The following TNFRSF19 variants were observed in gnomAD, a reference collection of about 807,000 sequenced individuals.
TNFRSF19 encodes TNF receptor superfamily member 19, also known as tumor necrosis factor receptor superfamily member 19.
Under a neutral mutation model 46.4 loss-of-function variants are expected in TNFRSF19, and 27 were observed. The observed-to-expected ratio is 0.58, with a 90% CI of 0.43 to 0.80. TNFRSF19 has a LOEUF of 0.80. TNFRSF19 is among the 30% of genes least tolerant of loss of function. The probability of loss-of-function intolerance (pLI) is 0.00; values close to 1 mark genes in which losing one functional copy is unlikely to be tolerated. For missense variants in TNFRSF19, 511 were observed against 530.8 expected (o/e 0.96, Z 0.37); for synonymous variants, 204 against 205.0 (o/e 1.00, Z 0.04).
chr13:23,663,448 G>T (rs1290640580), intron 7 of TNFRSF19, among the ~76,000 whole-genome samples: 2 of 152,164 alleles, frequency 1.3e-5, no homozygotes, highest in African/African-American at 2.4e-5. Flanking sequence ...TTACATTGGT[G>T]TTCATCAGGG....
chr13:23,659,391 A>C lies in TNFRSF19; in HGVS notation c.610+177A>C, dbSNP rs922239042. Among the ~76,000 whole-genome samples the C allele has an allele frequency of 9.9e-5, 15 of 152,262 alleles. No homozygotes were observed. The highest frequency in any genetic ancestry group is 3.6e-4 in the African/African-American group (15 of 41,474). ...CAGCAGAGGGCTAGGAGAGCAGTTA[A>C]GAATCCACACGTCAGTGTTGACTCC... On this transcript the variant is annotated intron_variant, in intron 6 of 9. Transcript: ENST00000248484. This position sits in a 1 kb window ranked among gnomAD's most constrained non-coding sequence, Gnocchi z 4.9.
At chr13:23,610,623 G>A (rs1237093749) in intron 3 of TNFRSF19, among the ~76,000 whole-genome samples, 1 of 151,642 alleles carries the variant, frequency 6.6e-6, no homozygotes, top group Non-Finnish European at 1.5e-5. Flanking sequence ...TTTTTTTAAA[G>A]TATTTAGGAA....
At chr13:23,586,058 C>T (rs1446992929) in intron 1 of TNFRSF19, among the ~76,000 whole-genome samples, 1 of 151,852 alleles carries the variant, frequency 6.6e-6, no homozygotes, top group African/African-American at 2.4e-5. Context: ...ATCACAAGGT[C>T]AGGAGATCGA....
At chr13:23,614,912 T>C (rs1881166085) in intron 3 of TNFRSF19, among the ~76,000 whole-genome samples, 1 of 151,942 alleles carries the variant, frequency 6.6e-6, no homozygotes, top group Admixed American at 6.6e-5. Context: ...CCCCAATCTA[T>C]GAAATGGGAA....
At chr13:23,625,641 A>G (rs1881950181) in intron 4 of TNFRSF19, among the ~76,000 whole-genome samples, 2 of 152,254 alleles carry the variant, frequency 1.3e-5, no homozygotes, top group South Asian at 4.1e-4. Context: ...ATTCTTACAC[A>G]TACATCTTTA....
At chr13:23,645,581 T>G (rs1318768317) in intron 5 of TNFRSF19, among the ~76,000 whole-genome samples, 1 of 152,180 alleles carries the variant, frequency 6.6e-6, no homozygotes, top group Non-Finnish European at 1.5e-5. Context: ...TTGAAATATG[T>G]TTTTTTATAC....
At chr13:23,610,400 G>C (rs1199732970) in intron 3 of TNFRSF19, among the ~76,000 whole-genome samples, 3 of 152,206 alleles carry the variant, frequency 2.0e-5, no homozygotes, top group Non-Finnish European at 4.4e-5. Flanking sequence ...ATATTGGGCA[G>C]AGTGACAGAG....
At chr13:23,641,505 A>G (rs1886529) in intron 5 of TNFRSF19, among the ~76,000 whole-genome samples, 19,467 of 151,924 alleles carry the variant, frequency 0.13, 1,650 homozygotes, top group South Asian at 0.24. Flanking sequence ...AATTTTTTGT[A>G]TTTTTAGCGG....
At chr13:23,613,358 A>G (rs1273704126) in intron 3 of TNFRSF19, among the ~76,000 whole-genome samples, 2 of 152,228 alleles carry the variant, frequency 1.3e-5, no homozygotes, top group Non-Finnish European at 2.9e-5. Flanking sequence ...GAGAATTCCC[A>G]AAATAACTTG....
Position 23,668,691 on chromosome 13 carries a change from G to C in TNFRSF19, c.840-1G>C. 6.2e-7 allele frequency: 1 copy of C among 1,611,144 alleles called. No homozygotes were observed. The highest frequency in any genetic ancestry group is 8.5e-7 in the Non-Finnish European group (1 of 1,178,576). ...TTAAGTTCTTTTGAACGTGTGTGCA[G>C]AAACGCAGGCCCAGCCGGGGAGATG... On this transcript the variant is annotated splice_acceptor_variant, in intron 8 of 9. Coordinates refer to ENST00000248484, the MANE Select transcript of TNFRSF19 (RefSeq NM_148957.4). LOFTEE classifies it high-confidence loss of function.
intron 5 of TNFRSF19, among the ~76,000 whole-genome samples, chr13:23,657,147 T>C (rs1711513688): frequency 6.6e-6 from 1 of 152,198 alleles, no homozygotes; most frequent in Admixed American, 6.5e-5. Flanking sequence ...CCAAAACATA[T>C]GGTGTGTGTG....
At chr13:23,598,048 G>A (rs904626040) in intron 3 of TNFRSF19, among the ~76,000 whole-genome samples, 9 of 151,928 alleles carry the variant, frequency 5.9e-5, no homozygotes, top group African/African-American at 1.7e-4. Flanking sequence ...AATTCACCCC[G>A]TCATGCTAAA....
rs1884207065 is a variant in TNFRSF19 at position 23,659,515 on chromosome 13, TG to T, written c.610+302del. ...TTTATTATATGTTTCTTTGTTTTTT[TG>T]TTTTTTTGGAGACAGAGTCTGGCTC... On this transcript the variant is annotated intron_variant, in intron 6 of 9. Coordinates refer to ENST00000248484, the MANE Select transcript of TNFRSF19 (RefSeq NM_148957.4). This position sits in a 1 kb window ranked among gnomAD's most constrained non-coding sequence, Gnocchi z 4.9. 1.3e-5 allele frequency among the ~76,000 whole-genome samples: 2 copies of T among 152,166 alleles called. No individual in the cohort carries two copies. The highest frequency in any genetic ancestry group is 4.8e-5 in the African/African-American group (2 of 41,432).
chr13:23,632,817 G>A (rs1224051974), intron 5 of TNFRSF19, among the ~76,000 whole-genome samples: 1 of 152,172 alleles, frequency 6.6e-6, no homozygotes, highest in African/African-American at 2.4e-5. Flanking sequence ...AACCAGCCAT[G>A]GTGGAGAGGA....
chr13:23,606,498 C>T (rs1480187285), intron 3 of TNFRSF19, among the ~76,000 whole-genome samples: 3 of 152,158 alleles, frequency 2.0e-5, no homozygotes, highest in African/African-American at 7.2e-5. Context: ...GAGCTGTCCA[C>T]CTGGAAGCCC....
intron 2 of TNFRSF19, among the ~76,000 whole-genome samples, chr13:23,592,149 G>A (rs1023828322): frequency 6.6e-6 from 1 of 152,104 alleles, no homozygotes; most frequent in African/African-American, 2.4e-5. Context: ...CTTCAAGGTG[G>A]AGAAGGTTTG....
At chr13:23,586,114 C>T (rs1312125671) in intron 1 of TNFRSF19, among the ~76,000 whole-genome samples, 2 of 151,844 alleles carry the variant, frequency 1.3e-5, no homozygotes, top group African/African-American at 2.4e-5. Context: ...AAAAATTATC[C>T]GGGCGCAGTG....
chr13:23,602,852 C>T (rs1880259216), intron 3 of TNFRSF19, among the ~76,000 whole-genome samples: 1 of 151,880 alleles, frequency 6.6e-6, no homozygotes, highest in African/African-American at 2.4e-5. Flanking sequence ...TTGTGGGATG[C>T]AGTGAACCAG....
chr13:23,590,207 A>C lies in TNFRSF19; in HGVS notation c.24A>C (p.Glu8Asp). 1 of 1,597,520 alleles carries C rather than the reference A, an allele frequency of 6.3e-7. No homozygotes were observed. Among genetic ancestry groups the C allele is most frequent in the Non-Finnish European group, 8.5e-7 (1 of 1,171,562 alleles). Residue 8 changes from glutamate (E) to aspartate (D), a missense_variant, in exon 2 of 10, where the codon GAA becomes GAC. Glu to Asp is a conservative substitution (Grantham distance 45). Coordinates refer to ENST00000248484, the MANE Select transcript of TNFRSF19 (RefSeq NM_148957.4). ...AGATGGCTTTAAAAGTGCTACTAGA[A>C]CAAGAGAAAACGTTTTTCACTCTTT... MALKVLL[E>D]QEKTFFTLLV...
Sources: allele counts gnomAD v4.1 joint callset (sites outside exome capture counted in the v4.1 genomes callset), GRCh38; gene constraint gnomAD v4.1.1; non-coding constraint Gnocchi (gnomAD v3.1); transcripts MANE v1.5; gene names NCBI Gene and HGNC (gene_info 2026-07-23, HGNC 2026-07-21).